SH3D19: variants seen among roughly 807,000 people sequenced by gnomAD.
The protein encoded by SH3D19 is SH3 domain containing 19.
A neutral mutation model predicts 112.1 loss-of-function variants in SH3D19; 58 were observed. The ratio of observed to expected loss-of-function variants is 0.52; its 90% CI spans 0.42 to 0.64. The LOEUF is 0.64. Ranked by LOEUF, SH3D19 falls within the 30% of genes least tolerant of loss-of-function variation. The probability of loss-of-function intolerance (pLI) is 0.00; values close to 1 mark genes in which losing one functional copy is unlikely to be tolerated. For synonymous variants in SH3D19, 391 were observed against 448.5 expected (o/e 0.87, Z 1.62); for missense variants, 1,090 against 1,263.4 (o/e 0.86, Z 2.08).
chr4:151,299,279 C>T (rs941275746), intron 1 of SH3D19, among the ~76,000 whole-genome samples: 1 of 152,082 alleles, frequency 6.6e-6, no homozygotes, highest in African/African-American at 2.4e-5. Context: ...AACATTGTGG[C>T]CTTAAAAAAT....
At chr4:151,222,655 G>GTT (rs1768260154) in intron 2 of SH3D19, among the ~76,000 whole-genome samples, 4 of 92,994 alleles carry the variant, frequency 4.3e-5, no homozygotes, top group Admixed American at 1.5e-4. Flanking sequence ...TATCTCTTTG[G>GTT]TCTCTCTCTC....
At chr4:151,274,057 C>T (rs1188235780) in intron 1 of SH3D19, among the ~76,000 whole-genome samples, 1 of 151,992 alleles carries the variant, frequency 6.6e-6, no homozygotes, top group Admixed American at 6.6e-5. Flanking sequence ...ACCACAAAAA[C>T]AAAATTGGAT....
intron 2 of SH3D19, among the ~76,000 whole-genome samples, chr4:151,188,378 G>C (rs1446961301): frequency 6.6e-6 from 1 of 152,144 alleles, no homozygotes; most frequent in Non-Finnish European, 1.5e-5. Flanking sequence ...ATTAATATAA[G>C]GTAGAGGCGG....
At chr4:151,122,278 G>A in intron 19 of SH3D19, 71 bp from the exon 20 acceptor site, 1 of 766,540 alleles carries the variant, frequency 1.3e-6, no homozygotes, top group Non-Finnish European at 2.3e-6. Flanking sequence ...GGCCTACCTA[G>A]GGCAGCATGA....
chr4:151,176,403 T>C, intron 6 of SH3D19, 131 bp downstream of exon 6: 2 of 615,764 alleles, frequency 3.2e-6, no homozygotes, highest in Non-Finnish European at 4.7e-6. Context: ...AAGCACACAG[T>C]GATCACACTG....
At chr4:151,214,803 G>A (rs1159033952) in intron 2 of SH3D19, among the ~76,000 whole-genome samples, 12 of 134,874 alleles carry the variant, frequency 8.9e-5, no homozygotes, top group East Asian at 7.9e-4. Flanking sequence ...CGCCTGGCCT[G>A]GCGGGGGCTG....
intron 1 of SH3D19, among the ~76,000 whole-genome samples, chr4:151,287,607 T>C (rs1774933613): frequency 6.6e-6 from 1 of 152,010 alleles, no homozygotes; most frequent in Admixed American, 6.6e-5. Flanking sequence ...GGTATGTGGG[T>C]TCTTTTTAGG....
rs535653369 is a variant in SH3D19, at chr4:151,285,790, C to A, written c.112+39451G>T. Reference sequence around the variant, plus strand: ...ACTGGGGCAGGAGGATCCCTTGAGCCCAGAAGTTCACATATGTAGTGAGCT... The same window carrying A: ...ACTGGGGCAGGAGGATCCCTTGAGCACAGAAGTTCACATATGTAGTGAGCT... On this transcript the variant is annotated intron_variant, in intron 1 of 19. Transcript: ENST00000604030. Among the ~76,000 whole-genome samples the A allele has an allele frequency of 3.6e-4, 55 of 151,922 alleles. No homozygotes were observed. In the East Asian group the frequency reaches 8.7e-3, roughly 24 times the overall value.
intron 2 of SH3D19, among the ~76,000 whole-genome samples, chr4:151,198,747 A>G (rs1163539940): frequency 6.6e-6 from 1 of 152,196 alleles, no homozygotes; most frequent in Non-Finnish European, 1.5e-5. Context: ...TTAATTACCA[A>G]TTAAAAAAAC....
intron 15 of SH3D19, 112 bp from the exon 16 acceptor site, chr4:151,133,348 G>T: frequency 1.2e-6 from 1 of 830,438 alleles, no homozygotes; most frequent in Non-Finnish European, 1.9e-6. Context: ...ATGGAATAAG[G>T]TATACTAGGC....
Position 151,188,987 on chromosome 4 carries a change from A to C in SH3D19, c.153-1524T>G, listed in dbSNP as rs546948610. Among the ~76,000 whole-genome samples the C allele has an allele frequency of 7.9e-5, 12 of 152,350 alleles. No homozygotes were observed. The South Asian group carries it at 2.5e-3, about 32-fold the overall frequency. ...CACCAAAGACTGCTGGTCAACCTCC[A>C]TAAGCTAATAGGCAAGGAAGAAATC... On this transcript the variant is annotated intron_variant, in intron 2 of 19. Transcript: ENST00000604030.
chr4:151,159,299 C>T lies in SH3D19; in HGVS notation c.1696G>A (p.Gly566Arg). ...CCAGATACTGTACTGAAAGTGTTTCCAATAGGTTTTTCAGCAGGGAGAGGA... is the reference window on the plus strand; with the variant it reads ...CCAGATACTGTACTGAAAGTGTTTCTAATAGGTTTTTCAGCAGGGAGAGGA... ...PPPLPAEKPIGNTFSTVSGKL... is the reference protein window; with the variant it reads ...PPPLPAEKPIRNTFSTVSGKL... Residue 566 changes from glycine (G) to arginine (R), a missense_variant, in exon 9 of 20, where the codon GGA becomes AGA. By Grantham distance (125) the Gly-to-Arg change is moderately radical. Transcript: ENST00000604030. 1 of 1,577,088 alleles carries T rather than the reference C, an allele frequency of 6.3e-7. No individual in the cohort carries two copies. The highest frequency in any genetic ancestry group is 8.6e-7 in the Non-Finnish European group (1 of 1,167,742).
At chr4:151,141,283 G>A (rs1160449425) in intron 12 of SH3D19, among the ~76,000 whole-genome samples, 2 of 151,994 alleles carry the variant, frequency 1.3e-5, no homozygotes, top group Non-Finnish European at 2.9e-5. Context: ...GCACTACCAT[G>A]CCTGGCTAAT....
chr4:151,178,525 A>G (rs1760309988), intron 4 of SH3D19, among the ~76,000 whole-genome samples: 1 of 152,198 alleles, frequency 6.6e-6, no homozygotes, highest in Non-Finnish European at 1.5e-5. Flanking sequence ...TAGTTAATAA[A>G]CGTTAAGCAT....
chr4:151,306,330 CACTTA>C (rs992683744), intron 1 of SH3D19, among the ~76,000 whole-genome samples: 1 of 152,184 alleles, frequency 6.6e-6, no homozygotes, highest in African/African-American at 2.4e-5. Context: ...ATCTCAGCTG[CACTTA>C]ACTTCTGTTT....
intron 1 of SH3D19, among the ~76,000 whole-genome samples, chr4:151,273,589 C>CAAAAAAAAAAAAAAAAAAAA (rs60600816): frequency 1.5e-5 from 1 of 64,646 alleles, no homozygotes; most frequent in African/African-American, 8.1e-5. Context: ...GACTCCATCT[C>CAAAAAAAAAAAAAAAAAAAA]AAAAAAAAAA....
At chr4:151,275,800 C>T (rs932899068) in intron 1 of SH3D19, among the ~76,000 whole-genome samples, 3 of 151,856 alleles carry the variant, frequency 2.0e-5, no homozygotes, top group East Asian at 1.9e-4. Context: ...GGATAATAGG[C>T]GTAAGCTACC....
At chr4:151,240,438 T>A (rs886625359) in intron 1 of SH3D19, among the ~76,000 whole-genome samples, 1 of 151,206 alleles carries the variant, frequency 6.6e-6, no homozygotes, top group Non-Finnish European at 1.5e-5. Flanking sequence ...CAAGGGAAGT[T>A]CTCTTCACTA....
rs767133213 is a variant in SH3D19 at position 151,149,556 on chromosome 4, G to T, written c.1761C>A (p.Ser587=). Residue 587 remains serine (S), a synonymous_variant, in exon 10 of 20, where the codon TCC becomes TCA. Coordinates refer to ENST00000604030, the MANE Select transcript of SH3D19 (RefSeq NM_001378122.1). ...SNVERTRNLE[S]NHPGQTGGFV... ...AACCTCCTGTTTGACCTGGGTGGTT[G>T]GATTCCTGCAAGTAGCAGAGAATGC... The T allele has an allele frequency of 6.2e-7, 1 of 1,611,038 alleles. No individual in the cohort carries two copies. The highest frequency in any genetic ancestry group is 2.2e-5 in the East Asian group (1 of 44,762).
Sources: allele counts gnomAD v4.1 joint callset (sites outside exome capture counted in the v4.1 genomes callset), GRCh38; gene constraint gnomAD v4.1.1; transcripts MANE v1.5; gene names NCBI Gene and HGNC (gene_info 2026-07-23, HGNC 2026-07-21).